CACNA2D3: variants seen among roughly 807,000 people sequenced by gnomAD.
CACNA2D3 encodes the protein calcium voltage-gated channel auxiliary subunit alpha2delta 3.
A neutral mutation model predicts 160.6 loss-of-function variants in CACNA2D3; 60 were observed. The observed-to-expected ratio is 0.37, with a 90% CI of 0.30 to 0.46. CACNA2D3 has a LOEUF of 0.46. Ranked by LOEUF, CACNA2D3 falls within the 20% of genes least tolerant of loss-of-function variation. CACNA2D3 has a pLI of 1.00. For missense variants in CACNA2D3, 1,205 were observed against 1,365.0 expected (o/e 0.88, Z 1.85); for synonymous variants, 558 against 492.9 (o/e 1.13, Z -1.75).
chr3:54,821,956 G>A (rs1003872584), intron 14 of CACNA2D3, among the ~76,000 whole-genome samples: 7 of 152,126 alleles, frequency 4.6e-5, no homozygotes, highest in African/African-American at 7.2e-5. Flanking sequence ...TGCAGGTCTA[G>A]TGATTTCAGT....
rs528510291 is a variant in CACNA2D3, at chr3:55,060,595, G to A, written c.2988-12850G>A. On this transcript the variant is annotated intron_variant, in intron 35 of 37. Coordinates refer to ENST00000474759, the MANE Select transcript of CACNA2D3 (RefSeq NM_018398.3). ...ATTAAAGGGGAACTGCTTAGAAAAG[G>A]GTTTGGCATTAAGTAAACACTCCGT... Among the ~76,000 whole-genome samples, 7 of 152,186 alleles carry A rather than the reference G, an allele frequency of 4.6e-5. No homozygotes were observed. In the South Asian group the frequency reaches 1.5e-3, roughly 32 times the overall value.
At chr3:54,404,769 A>C (rs1699541663) in intron 4 of CACNA2D3, among the ~76,000 whole-genome samples, 1 of 152,148 alleles carries the variant, frequency 6.6e-6, no homozygotes, top group South Asian at 2.1e-4. Context: ...ATCTCAATAA[A>C]GTTGCAGGAT....
chr3:54,562,295 T>C (rs1397970377), intron 5 of CACNA2D3, among the ~76,000 whole-genome samples: 2 of 152,206 alleles, frequency 1.3e-5, no homozygotes. Context: ...GAGATTTAGT[T>C]ATGTAATTTC....
chr3:54,665,994 C>T (rs1700063250), intron 11 of CACNA2D3, among the ~76,000 whole-genome samples: 2 of 151,894 alleles, frequency 1.3e-5, no homozygotes, highest in African/African-American at 4.8e-5. Flanking sequence ...GGAGTCTCAC[C>T]ATGTTGCCCA....
At chr3:54,675,227 GAATTTT>G (rs1700219391) in intron 11 of CACNA2D3, among the ~76,000 whole-genome samples, 1 of 152,160 alleles carries the variant, frequency 6.6e-6, no homozygotes. Context: ...GGAGGAAGCA[GAATTTT>G]CCAAGGACAG....
chr3:54,223,806 C>G (rs958608093), intron 2 of CACNA2D3, among the ~76,000 whole-genome samples: 2 of 148,812 alleles, frequency 1.3e-5, no homozygotes, highest in African/African-American at 5.0e-5. Flanking sequence ...GAGCCGAGAT[C>G]GCACCATTGC....
intron 4 of CACNA2D3, among the ~76,000 whole-genome samples, chr3:54,401,358 G>A (rs898010867): frequency 2.0e-5 from 3 of 152,162 alleles, no homozygotes; most frequent in African/African-American, 7.2e-5. Context: ...AAAACCTCCA[G>A]ATTCTTGGAA....
chr3:54,725,967 C>G (rs1701267964), intron 11 of CACNA2D3, among the ~76,000 whole-genome samples: 1 of 152,068 alleles, frequency 6.6e-6, no homozygotes, highest in Non-Finnish European at 1.5e-5. Flanking sequence ...GAGAGGAAGT[C>G]AAATGGTCTC....
At chr3:54,661,298 T>G (rs114129745) in intron 11 of CACNA2D3, among the ~76,000 whole-genome samples, 401 of 152,294 alleles carry the variant, frequency 2.6e-3, no homozygotes, top group African/African-American at 9.0e-3. Context: ...ATGGAAACTT[T>G]AGGGTTTTTA....
intron 35 of CACNA2D3, among the ~76,000 whole-genome samples, chr3:55,043,577 A>C (rs1199187415): frequency 6.6e-6 from 1 of 152,116 alleles, no homozygotes; most frequent in Non-Finnish European, 1.5e-5. Flanking sequence ...TTGTAAAAAC[A>C]TGGCCTGCAG....
intron 29 of CACNA2D3, among the ~76,000 whole-genome samples, chr3:54,982,066 G>A (rs1385115514): frequency 6.6e-6 from 1 of 152,178 alleles, no homozygotes; most frequent in Non-Finnish European, 1.5e-5. Flanking sequence ...AGTCCCATCA[G>A]CTCTCAAGTT....
At chr3:54,192,688 G>GTA (rs914010945) in intron 2 of CACNA2D3, among the ~76,000 whole-genome samples, 2 of 151,896 alleles carry the variant, frequency 1.3e-5, no homozygotes, top group African/African-American at 4.8e-5. Context: ...GTGTGTGTGT[G>GTA]TGTGTGTTTG....
At position 54,253,482 on chromosome 3, in the gene CACNA2D3, C is replaced by G. The variant is rs946338583; in HGVS notation, c.205-66960C>G. Among the ~76,000 whole-genome samples the G allele has an allele frequency of 2.0e-5, 3 of 152,194 alleles. No homozygotes were observed. The South Asian group carries it at 6.2e-4, about 32-fold the overall frequency. ...GCCACACACTTTCAAATGACCAGAG[C>G]TCACAAGAACTCACTATTGCGAGAA... is the stretch of plus-strand genomic sequence containing the variant. On this transcript the variant is annotated intron_variant, in intron 2 of 37. Transcript: ENST00000474759.
chr3:54,891,078 AT>A (rs1210752820), intron 24 of CACNA2D3, among the ~76,000 whole-genome samples: 2 of 151,778 alleles, frequency 1.3e-5, no homozygotes, highest in African/African-American at 4.8e-5. Context: ...TTGGAAGTAG[AT>A]TTTTTTCACA....
intron 9 of CACNA2D3, among the ~76,000 whole-genome samples, chr3:54,614,640 G>A (rs540323657): frequency 6.6e-6 from 1 of 152,146 alleles, no homozygotes; most frequent in Non-Finnish European, 1.5e-5. Context: ...AGAGATAATA[G>A]AGTGTAAATG....
intron 27 of CACNA2D3, among the ~76,000 whole-genome samples, chr3:54,939,600 G>A (rs1010462829): frequency 1.3e-5 from 2 of 152,216 alleles, no homozygotes; most frequent in African/African-American, 4.8e-5. Context: ...GGGAAAGCAA[G>A]GCATTTTGTG....
intron 4 of CACNA2D3, among the ~76,000 whole-genome samples, chr3:54,503,260 C>T (rs1195678319): frequency 6.6e-6 from 1 of 152,108 alleles, no homozygotes; most frequent in Admixed American, 6.5e-5. Context: ...ACTGCGTTGC[C>T]CCTTAACATT....
intron 11 of CACNA2D3, among the ~76,000 whole-genome samples, chr3:54,716,037 A>T (rs1481248437): frequency 6.6e-6 from 1 of 150,702 alleles, no homozygotes; most frequent in Admixed American, 6.6e-5. Flanking sequence ...TACAACATGT[A>T]TATGTATATC....
chr3:54,921,015 T>A (rs1175012468), intron 27 of CACNA2D3, among the ~76,000 whole-genome samples: 2 of 152,172 alleles, frequency 1.3e-5, no homozygotes, highest in African/African-American at 4.8e-5. Context: ...CAGGTGATCC[T>A]CAGCCGGGAT....
Sources: allele counts gnomAD v4.1 joint callset (sites outside exome capture counted in the v4.1 genomes callset), GRCh38; gene constraint gnomAD v4.1.1; transcripts MANE v1.5; gene names NCBI Gene and HGNC (gene_info 2026-07-23, HGNC 2026-07-21).